The following GRIK2 variants were observed in gnomAD, a reference collection of about 807,000 sequenced individuals.
GRIK2 encodes the protein glutamate receptor ionotropic, kainate 2.
A neutral mutation model predicts 100.3 loss-of-function variants in GRIK2; 32 were observed. The observed-to-expected ratio is 0.32, with a 90% CI of 0.24 to 0.43. The LOEUF is 0.43. Ranked by LOEUF, GRIK2 falls within the 20% of genes least tolerant of loss-of-function variation. The pLI is 1.00. For synonymous variants in GRIK2, 417 were observed against 389.4 expected (o/e 1.07, Z -0.83); for missense variants, 843 against 1,114.9 (o/e 0.76, Z 3.47).
At chr6:101,394,911 T>G (rs747405421) in intron 1 of GRIK2, among the ~76,000 whole-genome samples, 2 of 152,190 alleles carry the variant, frequency 1.3e-5, no homozygotes, top group Non-Finnish European at 2.9e-5. Flanking sequence ...TTTTCTCCTA[T>G]TTAAACCCAT....
At chr6:101,445,791 G>A (rs1175919314) in intron 2 of GRIK2, among the ~76,000 whole-genome samples, 1 of 152,010 alleles carries the variant, frequency 6.6e-6, no homozygotes, top group Non-Finnish European at 1.5e-5. Context: ...ATGTGGTCCA[G>A]GATTTTTCCT....
At chr6:101,773,123 G>T (rs759210681) in intron 7 of GRIK2, among the ~76,000 whole-genome samples, 1 of 152,080 alleles carries the variant, frequency 6.6e-6, no homozygotes, top group Non-Finnish European at 1.5e-5. Context: ...TTTCCTCATG[G>T]CAATAAAACA....
intron 12 of GRIK2, among the ~76,000 whole-genome samples, chr6:101,910,839 C>CCACACACACACACGCGCGCA (rs1554284825): frequency 7.0e-6 from 1 of 143,266 alleles, no homozygotes; most frequent in African/African-American, 2.7e-5. Flanking sequence ...CCAACATACA[C>CCACACACACACACGCGCGCA]CACACACACA....
intron 14 of GRIK2, among the ~76,000 whole-genome samples, chr6:101,953,604 T>C (rs1791732633): frequency 6.6e-6 from 1 of 152,342 alleles, no homozygotes; most frequent in South Asian, 2.1e-4. Flanking sequence ...TTAAATTAGG[T>C]TGTCTTTTTA....
intron 2 of GRIK2, among the ~76,000 whole-genome samples, chr6:101,619,969 T>C (rs746121912): frequency 3.3e-5 from 5 of 152,144 alleles, no homozygotes; most frequent in Non-Finnish European, 7.4e-5. Context: ...TGAAGGTTCA[T>C]TGTGACCTCA....
At chr6:101,906,483 G>C (rs1287672267) in intron 12 of GRIK2, among the ~76,000 whole-genome samples, 1 of 151,386 alleles carries the variant, frequency 6.6e-6, no homozygotes, top group Non-Finnish European at 1.5e-5. Context: ...AAGAAGTGTG[G>C]AGAAATGCAA....
chr6:101,946,005 T>C (rs1791253333), intron 14 of GRIK2, among the ~76,000 whole-genome samples: 1 of 151,612 alleles, frequency 6.6e-6, no homozygotes, highest in South Asian at 2.1e-4. Flanking sequence ...TTAATCATGT[T>C]TATGATATAG....
chr6:101,426,889 G>A (rs901958549), intron 2 of GRIK2, among the ~76,000 whole-genome samples: 8 of 152,002 alleles, frequency 5.3e-5, no homozygotes, highest in South Asian at 4.2e-4. Flanking sequence ...CCTTTCCAGC[G>A]GTCCTCTGTG....
chr6:101,483,721 G>A (rs1313472077), intron 2 of GRIK2, among the ~76,000 whole-genome samples: 1 of 152,024 alleles, frequency 6.6e-6, no homozygotes, highest in African/African-American at 2.4e-5. Context: ...GATTACAGGT[G>A]CCCACCACCA....
intron 2 of GRIK2, among the ~76,000 whole-genome samples, chr6:101,542,192 A>T (rs1005099089): frequency 1.3e-5 from 2 of 152,004 alleles, no homozygotes; most frequent in Non-Finnish European, 2.9e-5. Flanking sequence ...CAAAAGTAGA[A>T]CTAATCATAG....
intron 4 of GRIK2, among the ~76,000 whole-genome samples, chr6:101,639,035 TA>T (rs1781156686): frequency 1.3e-5 from 2 of 152,062 alleles, no homozygotes; most frequent in South Asian, 4.1e-4. Context: ...CTTGTCCACG[TA>T]AAAGTTCGTT....
intron 14 of GRIK2, among the ~76,000 whole-genome samples, chr6:101,989,371 T>C (rs1308072468): frequency 6.6e-6 from 1 of 151,728 alleles, no homozygotes; most frequent in Admixed American, 6.6e-5. Context: ...GTACGAAAGG[T>C]ATTTATTAAT....
intron 14 of GRIK2, among the ~76,000 whole-genome samples, chr6:101,958,283 G>GTGTGTGTGTGTGTGTGTGT (rs71028091): frequency 2.3e-4 from 34 of 150,856 alleles, no homozygotes; most frequent in South Asian, 6.3e-4. Flanking sequence ...GTGTGTGTGT[G>GTGTGTGTGTGTGTGTGTGT]GGTCCATTGC....
intron 2 of GRIK2, among the ~76,000 whole-genome samples, chr6:101,601,329 A>G (rs1779204389): frequency 6.6e-6 from 1 of 151,922 alleles, no homozygotes; most frequent in Non-Finnish European, 1.5e-5. Flanking sequence ...TAAAGGATTC[A>G]GTTTGCTAGT....
intron 2 of GRIK2, among the ~76,000 whole-genome samples, chr6:101,546,817 T>TC (rs1776257883): frequency 7.1e-6 from 1 of 140,120 alleles, no homozygotes; most frequent in East Asian, 2.0e-4. Flanking sequence ...ATGTTTTTGT[T>TC]TCTTTTTTTT....
At chr6:101,903,617 A>T (rs1582497503) in intron 12 of GRIK2, among the ~76,000 whole-genome samples, 1 of 151,738 alleles carries the variant, frequency 6.6e-6, no homozygotes, top group East Asian at 1.9e-4. Flanking sequence ...AATTTGCCGA[A>T]CTAGTTTTGT....
At chr6:101,681,043 T>A (rs2128341843) in intron 5 of GRIK2, among the ~76,000 whole-genome samples, 1 of 152,346 alleles carries the variant, frequency 6.6e-6, no homozygotes, top group South Asian at 2.1e-4. Context: ...AAAGAATTCA[T>A]GTTGCAGAAC....
In GRIK2 at chr6:101,675,074, G is replaced by A. The variant is rs138396557; in HGVS notation, c.542-1549G>A. 2.5e-3 allele frequency among the ~76,000 whole-genome samples: 381 copies of A among 152,156 alleles called. 6 individuals are homozygous for A. The highest frequency in any genetic ancestry group is 9.0e-3 in the African/African-American group (374 of 41,546). ...ATTTTGAAGTAAATAAAACCTTATT[G>A]TTAACTATAGTAATCCTTCTAAGCA... On this transcript the variant is annotated intron_variant, in intron 4 of 16. Transcript: ENST00000369134.
chr6:101,879,444 G>A (rs898207192), intron 11 of GRIK2, among the ~76,000 whole-genome samples: 1 of 151,806 alleles, frequency 6.6e-6, no homozygotes, highest in Non-Finnish European at 1.5e-5. Flanking sequence ...TGGACTCATA[G>A]CCTTTCACTT....
Sources: allele counts gnomAD v4.1 joint callset (sites outside exome capture counted in the v4.1 genomes callset), GRCh38; gene constraint gnomAD v4.1.1; transcripts MANE v1.5; gene names NCBI Gene and HGNC (gene_info 2026-07-23, HGNC 2026-07-21).